Variants in C12orf75 observed in about 807,000 individuals in gnomAD.
C12orf75 encodes the protein chromosome 12 open reading frame 75.
In C12orf75, 4 loss-of-function variants were observed where a neutral mutation model predicts 11.4. The observed-to-expected ratio is 0.35, with a 90% confidence interval of 0.17 to 0.80. The LOEUF is 0.80. C12orf75 is among the 30% of genes least tolerant of loss of function. The probability of loss-of-function intolerance (pLI) is 0.52; values close to 1 mark genes in which losing one functional copy is unlikely to be tolerated. For synonymous variants in C12orf75, 30 were observed against 30.0 expected (o/e 1.00, Z 0.00); for missense variants, 89 against 80.4 (o/e 1.11, Z -0.41).
At chr12:105,366,835 T>A in intron 4 of C12orf75, 139 bp downstream of exon 4, 1 of 514,558 alleles carries the variant, frequency 1.9e-6, no homozygotes, top group Non-Finnish European at 3.5e-6. Context: ...TACTGTCTGT[T>A]CATTGCAGTC....
chr12:105,332,563 C>A (rs1355622194), intron 1 of C12orf75, among the ~76,000 whole-genome samples: 1 of 151,902 alleles, frequency 6.6e-6, no homozygotes, highest in Non-Finnish European at 1.5e-5. Context: ...GAAACCCAGT[C>A]TCTACTAAAA....
At chr12:105,345,794 G>A (rs1223243406) in intron 1 of C12orf75, among the ~76,000 whole-genome samples, 1 of 149,542 alleles carries the variant, frequency 6.7e-6, no homozygotes, top group Non-Finnish European at 1.5e-5. Context: ...AAGTAGCTGG[G>A]ATTATAGGCG....
intron 1 of C12orf75, among the ~76,000 whole-genome samples, chr12:105,345,669 T>TG (rs920603102): frequency 3.0e-5 from 4 of 131,226 alleles, no homozygotes; most frequent in African/African-American, 1.2e-4. Context: ...CTTTTTTTTT[T>TG]TTTTTTTTTT....
Position 105,341,416 on chromosome 12 carries a change from C to T in C12orf75, c.47-7186C>T, listed in dbSNP as rs191739027. On this transcript the variant is annotated intron_variant, in intron 1 of 5. Transcript: ENST00000443585. ...GTCAGCCTCCACAGGTTTAGTGGGT[C>T]GGTCCCACAAGACTGCCCTCCCTTC... Among the ~76,000 whole-genome samples, 404 of 152,222 alleles carry T rather than the reference C, an allele frequency of 2.7e-3. 3 individuals carry two copies. Among genetic ancestry groups the T allele is most frequent in the South Asian group, 0.024 (116 of 4,826 alleles).
intron 5 of C12orf75, among the ~76,000 whole-genome samples, chr12:105,368,044 G>A (rs1355860115): frequency 1.3e-5 from 2 of 152,188 alleles, no homozygotes; most frequent in East Asian, 1.9e-4. Flanking sequence ...AAGAATCAGA[G>A]AATAAGTTAA....
intron 2 of C12orf75, among the ~76,000 whole-genome samples, chr12:105,356,438 GCTT>G (rs1566140442): frequency 2.4e-5 from 2 of 83,102 alleles, no homozygotes; most frequent in African/African-American, 4.5e-5. Flanking sequence ...AAGACTACAG[GCTT>G]TTTTTTTTTT....
intron 1 of C12orf75, among the ~76,000 whole-genome samples, chr12:105,340,097 G>A (rs552466827): frequency 2.0e-5 from 3 of 152,070 alleles, no homozygotes; most frequent in Non-Finnish European, 4.4e-5. Flanking sequence ...CCATCTGTCT[G>A]TAGGAACCAA....
intron 2 of C12orf75, chr12:105,353,562 G>A (rs1319987791): frequency 1.3e-5 from 2 of 151,678 alleles, no homozygotes; most frequent in African/African-American, 2.4e-5. Context: ...TTGGGATGCC[G>A]TTACCAAAAA....
chr12:105,370,537 A>C, intron 5 of C12orf75, 97 bp from the exon 6 acceptor site: 1 of 410,388 alleles, frequency 2.4e-6, no homozygotes, highest in East Asian at 7.0e-5. Context: ...TTTACTTAAA[A>C]GAAAGTAAAT....
intron 2 of C12orf75, among the ~76,000 whole-genome samples, chr12:105,364,804 A>G (rs903880403): frequency 2.0e-5 from 3 of 151,370 alleles, no homozygotes; most frequent in Non-Finnish European, 4.4e-5. Flanking sequence ...TCTCTTAGAA[A>G]TACGCCAAGG....
intron 1 of C12orf75, among the ~76,000 whole-genome samples, chr12:105,336,590 T>C (rs565266755): frequency 1.3e-5 from 2 of 152,310 alleles, no homozygotes; most frequent in East Asian, 3.9e-4. Flanking sequence ...CATTCACAGC[T>C]GCTGTCTGCG....
chr12:105,349,717 A>G (rs1345626137), intron 2 of C12orf75, among the ~76,000 whole-genome samples: 1 of 152,036 alleles, frequency 6.6e-6, no homozygotes, highest in Non-Finnish European at 1.5e-5. Flanking sequence ...CTCTACTAAA[A>G]ATACAAAAAA....
chr12:105,330,975 C>A, intron 1 of C12orf75, 38 bp downstream of exon 1: 1 of 889,378 alleles, frequency 1.1e-6, no homozygotes, highest in Non-Finnish European at 1.5e-6. Flanking sequence ...CGGGGGCGGG[C>A]GGGAGAGGCG....
chr12:105,340,042 T>G (rs1197328874), intron 1 of C12orf75, among the ~76,000 whole-genome samples: 16 of 152,204 alleles, frequency 1.1e-4, no homozygotes. Context: ...ACAGTATGAT[T>G]CATGGTTTTT....
At chr12:105,360,850 A>G (rs1892853597) in intron 2 of C12orf75, among the ~76,000 whole-genome samples, 1 of 151,932 alleles carries the variant, frequency 6.6e-6, no homozygotes, top group Non-Finnish European at 1.5e-5. Context: ...ATCTCGGCTC[A>G]CTGCAACCTC....
At chr12:105,362,351 C>G (rs1892880642) in intron 2 of C12orf75, among the ~76,000 whole-genome samples, 2 of 130,378 alleles carry the variant, frequency 1.5e-5, no homozygotes, top group Admixed American at 8.5e-5. Flanking sequence ...CGCCACTGCA[C>G]TCCAGCCTGG....
At chr12:105,343,873 G>A (rs575554802) in intron 1 of C12orf75, among the ~76,000 whole-genome samples, 1 of 152,078 alleles carries the variant, frequency 6.6e-6, no homozygotes, top group East Asian at 1.9e-4. Context: ...CACACACACA[G>A]ACACACACAC....
At chr12:105,369,788 T>G (rs1871579310) in intron 5 of C12orf75, among the ~76,000 whole-genome samples, 1 of 152,234 alleles carries the variant, frequency 6.6e-6, no homozygotes. Flanking sequence ...TTTTCTAAGT[T>G]GATAGGCTGC....
intron 1 of C12orf75, among the ~76,000 whole-genome samples, chr12:105,347,453 G>A (rs534611800): frequency 2.0e-5 from 3 of 152,184 alleles, no homozygotes; most frequent in Non-Finnish European, 4.4e-5. Context: ...TGAGCCCCTG[G>A]CAAACTACTG....
Sources: allele counts gnomAD v4.1 joint callset (sites outside exome capture counted in the v4.1 genomes callset), GRCh38; gene constraint gnomAD v4.1.1; transcripts MANE v1.5; gene names NCBI Gene and HGNC (gene_info 2026-07-23, HGNC 2026-07-21).